The following USH2A variants were observed in gnomAD, a reference collection of about 807,000 sequenced individuals.
USH2A encodes Usher syndrome 2A (autosomal recessive, mild).
A neutral mutation model predicts 538.9 loss-of-function variants in USH2A; 443 were observed. That is an observed-to-expected ratio of 0.82 (90% CI 0.76 to 0.89). USH2A has a LOEUF of 0.89. Ranked by LOEUF, USH2A falls within the 40% of genes least tolerant of loss-of-function variation. USH2A has a pLI of 0.00. For missense variants in USH2A, 6,633 were observed against 6,324.8 expected (o/e 1.05, Z -1.65); for synonymous variants, 2,413 against 2,273.5 (o/e 1.06, Z -1.75).
At chr1:216,203,324 T>G (rs1337954301) in intron 16 of USH2A, among the ~76,000 whole-genome samples, 1 of 152,022 alleles carries the variant, frequency 6.6e-6, no homozygotes, top group East Asian at 1.9e-4. Flanking sequence ...ATGATAAAGT[T>G]TAATTTATGT....
intron 38 of USH2A, among the ~76,000 whole-genome samples, chr1:215,907,550 A>G (rs756018117): frequency 2.7e-4 from 41 of 152,182 alleles, no homozygotes; most frequent in Non-Finnish European, 5.0e-4. Flanking sequence ...ACAGCCCAAC[A>G]CAGGAAGGCA....
intron 61 of USH2A, among the ~76,000 whole-genome samples, chr1:215,710,451 G>T (rs557994092): frequency 2.3e-4 from 35 of 152,216 alleles, no homozygotes; most frequent in African/African-American, 8.2e-4. Context: ...ACAAGCAGGG[G>T]CAAAGATTTT....
chr1:215,650,645 TC>T lies in USH2A; in HGVS notation c.14289del (p.Ile4764SerfsTer42), dbSNP rs2102644832. 2 of 1,614,134 alleles carry T rather than the reference TC, an allele frequency of 1.2e-6. No individual in the cohort carries two copies. Among genetic ancestry groups the T allele is most frequent in the Non-Finnish European group, 1.7e-6 (2 of 1,180,030 alleles). ...VNISAPGKPNGIVSLYRLFSS... is the reference protein window; with the variant it reads ...VNISAPGKPNXIVSLYRLFSS... ...GAGAACAGCCTGTAGAGACTGACGATCCCGTTGGGCTTCCCAGGGGCACTGA... is the reference window on the plus strand; with the variant it reads ...GAGAACAGCCTGTAGAGACTGACGATCCGTTGGGCTTCCCAGGGGCACTGA... On this transcript the variant is annotated frameshift_variant, in exon 65 of 72. Coordinates refer to ENST00000307340, the MANE Select transcript of USH2A (RefSeq NM_206933.4). LOFTEE classifies it high-confidence loss of function.
chr1:215,939,006 T>C (rs1392648647), intron 37 of USH2A, among the ~76,000 whole-genome samples: 1 of 152,164 alleles, frequency 6.6e-6, no homozygotes, highest in East Asian at 1.9e-4. Context: ...GAAATAAGTG[T>C]AAAGCTAAGG....
At chr1:216,245,854 G>T (rs1389317054) in intron 13 of USH2A, among the ~76,000 whole-genome samples, 3 of 152,072 alleles carry the variant, frequency 2.0e-5, no homozygotes, top group Non-Finnish European at 2.9e-5. Context: ...CATTTTTATA[G>T]ACCCATATAA....
chr1:216,119,352 A>C (rs913139096), intron 21 of USH2A, among the ~76,000 whole-genome samples: 3 of 152,076 alleles, frequency 2.0e-5, no homozygotes, highest in African/African-American at 7.2e-5. Flanking sequence ...TTTTAAAACT[A>C]AGTCAAAATC....
At chr1:216,361,489 T>A (rs1010383114) in intron 4 of USH2A, among the ~76,000 whole-genome samples, 1 of 152,078 alleles carries the variant, frequency 6.6e-6, no homozygotes, top group Non-Finnish European at 1.5e-5. Flanking sequence ...GAAGACCATA[T>A]TTGCTATCAT....
At chr1:216,098,258 T>C (rs1335172939) in intron 21 of USH2A, among the ~76,000 whole-genome samples, 2 of 152,192 alleles carry the variant, frequency 1.3e-5, no homozygotes, top group African/African-American at 4.8e-5. Flanking sequence ...AGAGACACAA[T>C]CTCTGTTTTC....
chr1:216,404,618 C>CTTTT lies in USH2A; in HGVS notation c.651+13892_651+13895dup, dbSNP rs375562284. 3.8e-3 allele frequency among the ~76,000 whole-genome samples: 415 copies of CTTTT among 110,008 alleles called. 7 individuals carry two copies. Among genetic ancestry groups the CTTTT allele is most frequent in the African/African-American group, 0.013 (382 of 28,626 alleles). 72.2% of individuals were successfully genotyped at this position (110,008 alleles called of 152,430 possible). A position where few individuals can be genotyped will look rare whatever the true frequency, so the allele number is the denominator to read the frequency against. On this transcript the variant is annotated intron_variant, in intron 3 of 71. Coordinates refer to ENST00000307340, the MANE Select transcript of USH2A (RefSeq NM_206933.4). ...ATATTAACTCAAAGTGAAACATAGGCTTTTTTTTTTTTTTTTTTTTTAAGA... is the reference window on the plus strand; with the variant it reads ...ATATTAACTCAAAGTGAAACATAGGCTTTTTTTTTTTTTTTTTTTTTTTTTAAGA...
At chr1:216,322,992 C>T (rs926232826) in intron 8 of USH2A, among the ~76,000 whole-genome samples, 1 of 151,858 alleles carries the variant, frequency 6.6e-6, no homozygotes, top group Non-Finnish European at 1.5e-5. Flanking sequence ...GATCTTTCCA[C>T]TAAAGAAAAA....
chr1:216,220,257 C>A (rs2035430184), intron 14 of USH2A, among the ~76,000 whole-genome samples: 1 of 151,684 alleles, frequency 6.6e-6, no homozygotes, highest in African/African-American at 2.4e-5. Context: ...CTCATGGGTA[C>A]TATCAAATTG....
intron 4 of USH2A, among the ~76,000 whole-genome samples, chr1:216,329,605 T>C (rs973623434): frequency 1.3e-5 from 2 of 152,098 alleles, no homozygotes; most frequent in Non-Finnish European, 2.9e-5. Context: ...TAGCATCCTT[T>C]ACACCCCACA....
chr1:216,235,070 C>T (rs1285543576), intron 13 of USH2A, among the ~76,000 whole-genome samples: 1 of 152,128 alleles, frequency 6.6e-6, no homozygotes, highest in East Asian at 1.9e-4. Flanking sequence ...CAGGTAACTT[C>T]CTGCTTAAAG....
chr1:216,271,733 A>G (rs2036581191), intron 11 of USH2A, among the ~76,000 whole-genome samples: 1 of 151,982 alleles, frequency 6.6e-6, no homozygotes, highest in Non-Finnish European at 1.5e-5. Flanking sequence ...AAGTGTTTTG[A>G]ATTCTTTTTC....
rs1390123540 is a variant in USH2A, at chr1:216,311,576, G to T, written c.1644+10307C>A. ...TATTTGTTAATTTTTCTTTTTGGCGGGAGAGGGGCGCGGTGGGGTTGTGGC... is the reference window on the plus strand; with the variant it reads ...TATTTGTTAATTTTTCTTTTTGGCGTGAGAGGGGCGCGGTGGGGTTGTGGC... On this transcript the variant is annotated intron_variant, in intron 9 of 71. Coordinates refer to ENST00000307340, the MANE Select transcript of USH2A (RefSeq NM_206933.4). Among the ~76,000 whole-genome samples, 9 of 152,132 alleles carry T rather than the reference G, an allele frequency of 5.9e-5. No individual in the cohort carries two copies. The South Asian group carries it at 1.9e-3, about 32-fold the overall frequency.
intron 61 of USH2A, among the ~76,000 whole-genome samples, chr1:215,692,218 G>C (rs757602395): frequency 1.4e-4 from 21 of 152,116 alleles, no homozygotes; most frequent in Non-Finnish European, 2.5e-4. Flanking sequence ...TGGTTGGAGT[G>C]GGTGGAAGGG....
chr1:216,235,834 C>T (rs2035801041), intron 13 of USH2A, among the ~76,000 whole-genome samples: 1 of 152,150 alleles, frequency 6.6e-6, no homozygotes, highest in African/African-American at 2.4e-5. Flanking sequence ...GAAGAAACTA[C>T]TCTCACCTTA....
chr1:215,736,576 A>G (rs1004482391), intron 60 of USH2A, among the ~76,000 whole-genome samples: 11 of 152,066 alleles, frequency 7.2e-5, no homozygotes, highest in African/African-American at 2.4e-4. Context: ...AAAGTGCTGG[A>G]AGAAATAATT....
Position 216,046,586 on chromosome 1 carries a change from T to C in USH2A, c.6170A>G (p.Gln2057Arg). 1.2e-6 allele frequency: 2 copies of C among 1,613,774 alleles called. No homozygotes were observed. The highest frequency in any genetic ancestry group is 1.3e-5 in the African/African-American group (1 of 75,032). ...LNISTPQEAP[Q>R]EVQPPVAKSL... ...TTTGGCTACTGGTGGCTGAACCTCT[T>C]GTGGGGCTGTGGAAGAAAAGATTTA... Residue 2057 changes from glutamine (Q) to arginine (R), a missense_variant, in exon 32 of 72, where the codon CAA becomes CGA. By Grantham distance (43) the Gln-to-Arg change is conservative. Coordinates refer to ENST00000307340, the MANE Select transcript of USH2A (RefSeq NM_206933.4).
Sources: allele counts gnomAD v4.1 joint callset (sites outside exome capture counted in the v4.1 genomes callset), GRCh38; gene constraint gnomAD v4.1.1; transcripts MANE v1.5; gene names NCBI Gene and HGNC (gene_info 2026-07-23, HGNC 2026-07-21).